The following MAN1A1 variants were observed in gnomAD, a reference collection of about 807,000 sequenced individuals.
MAN1A1 encodes mannosyl-oligosaccharide 1,2-alpha-mannosidase IA.
In MAN1A1, 29 loss-of-function variants were observed where a neutral mutation model predicts 70.8. The ratio of observed to expected loss-of-function variants is 0.41; its 90% confidence interval spans 0.31 to 0.56. The LOEUF is 0.56. Ranked by LOEUF, MAN1A1 falls within the 20% of genes least tolerant of loss-of-function variation. The pLI is 0.29. For missense variants in MAN1A1, 747 were observed against 841.3 expected (o/e 0.89, Z 1.39); for synonymous variants, 349 against 330.1 (o/e 1.06, Z -0.62).
intron 5 of MAN1A1, among the ~76,000 whole-genome samples, chr6:119,289,444 G>C (rs1280294258): frequency 6.9e-6 from 1 of 144,832 alleles, no homozygotes; most frequent in Non-Finnish European, 1.5e-5. Context: ...AAAAATATAG[G>C]GTTTTAGGGT....
At chr6:119,241,360 C>T (rs1297591125) in intron 6 of MAN1A1, among the ~76,000 whole-genome samples, 5 of 152,202 alleles carry the variant, frequency 3.3e-5, no homozygotes, top group East Asian at 1.9e-4. Flanking sequence ...CCTCACTGAA[C>T]GGCTCTGAGA....
At chr6:119,257,947 A>ATATAGTG (rs1775505979) in intron 5 of MAN1A1, among the ~76,000 whole-genome samples, 5 of 152,212 alleles carry the variant, frequency 3.3e-5, no homozygotes, top group Non-Finnish European at 7.4e-5. Flanking sequence ...ACATTTAGAA[A>ATATAGTG]AATATGCAGT....
chr6:119,332,960 G>A (rs1037160350), intron 2 of MAN1A1, among the ~76,000 whole-genome samples: 1 of 152,040 alleles, frequency 6.6e-6, no homozygotes, highest in African/African-American at 2.4e-5. Flanking sequence ...GTGTGCCCCC[G>A]GGGTTTGTGA....
At chr6:119,201,741 G>A (rs2114946316) in intron 7 of MAN1A1, among the ~76,000 whole-genome samples, 1 of 152,270 alleles carries the variant, frequency 6.6e-6, no homozygotes, top group African/African-American at 2.4e-5. Context: ...AATGTAGTTG[G>A]CACAGCCTAC....
chr6:119,279,712 T>C (rs1213551015), intron 5 of MAN1A1, among the ~76,000 whole-genome samples: 1 of 152,232 alleles, frequency 6.6e-6, no homozygotes, highest in Admixed American at 6.5e-5. Flanking sequence ...CTTGTATTCC[T>C]ACCTTCTCCT....
At chr6:119,308,256 T>C (rs1204152495) in intron 2 of MAN1A1, among the ~76,000 whole-genome samples, 3 of 152,172 alleles carry the variant, frequency 2.0e-5, no homozygotes, top group Non-Finnish European at 1.5e-5. Context: ...CCAAAGCCCA[T>C]GGCATTAACC....
chr6:119,177,683 G>A lies in MAN1A1; in HGVS notation c.*2136C>T, dbSNP rs578146702. 1.4e-3 allele frequency: 216 copies of A among 151,758 alleles called. 1 individual carries two copies. The highest frequency in any genetic ancestry group is 5.1e-3 in the African/African-American group (212 of 41,418). The allele number at this position is 151,758 out of a possible 1,614,324, so 9.4% of individuals were successfully genotyped here. ...ACATTTTTGGTGTTTTGGGACTTTT[G>A]TTAAAAAAAAATCCAAGTTCTAGAA... is the stretch of plus-strand genomic sequence containing the variant. On this transcript the variant is annotated 3_prime_UTR_variant, in exon 13 of 13. Transcript: ENST00000368468.
chr6:119,308,603 T>C (rs1471764718), intron 2 of MAN1A1, among the ~76,000 whole-genome samples: 1 of 152,166 alleles, frequency 6.6e-6, no homozygotes, highest in Admixed American at 6.5e-5. Context: ...GCTTGACAGA[T>C]GGCAGGTAAT....
At chr6:119,248,229 A>C (rs766802335) in intron 6 of MAN1A1, 31 bp downstream of exon 6, 1 of 1,409,354 alleles carries the variant, frequency 7.1e-7, no homozygotes, top group Non-Finnish European at 1.0e-6. Context: ...ATTTCACCTT[A>C]AAACATGTTG....
Position 119,348,799 on chromosome 6 carries a change from C to A in MAN1A1, c.267G>T (p.Gly89=), listed in dbSNP as rs1773816031. The change falls in exon 2 of 13, where the codon GGG becomes GGT. Residue 89 remains glycine, a synonymous_variant. Coordinates refer to ENST00000368468, the MANE Select transcript of MAN1A1 (RefSeq NM_005907.4). The stretch of plus-strand genomic sequence containing the variant: ...CCGCGTCCTCGGCGCGCGCCCCGGG[C>A]CCGGGCTTGTGGTCGGCGGCCGGCT... ...ALQPAADHKP[G]PGARAEDAAE... is the part of the protein sequence containing the mutation. 5 of 1,438,850 alleles carry A rather than the reference C, an allele frequency of 3.5e-6. No homozygotes were observed. Among genetic ancestry groups the A allele is most frequent in the Non-Finnish European group, 4.6e-6 (5 of 1,091,140 alleles). The allele number at this position is 1,438,850 out of a possible 1,614,324, so 89.1% of individuals were successfully genotyped here.
intron 6 of MAN1A1, among the ~76,000 whole-genome samples, chr6:119,218,274 T>C (rs1774262665): frequency 1.3e-5 from 2 of 152,164 alleles, no homozygotes; most frequent in Non-Finnish European, 1.5e-5. Context: ...CTGTACCCTA[T>C]TTAGAAAGCT....
At chr6:119,209,090 CAAA>C (rs34328766) in intron 6 of MAN1A1, among the ~76,000 whole-genome samples, 4 of 89,086 alleles carry the variant, frequency 4.5e-5, no homozygotes, top group Admixed American at 2.6e-4. Context: ...GACCCCGTCT[CAAA>C]AAAAAAAAAA....
At chr6:119,211,985 T>C (rs964798559) in intron 6 of MAN1A1, among the ~76,000 whole-genome samples, 16 of 151,664 alleles carry the variant, frequency 1.1e-4, no homozygotes, top group African/African-American at 3.9e-4. Flanking sequence ...GGGATACAGG[T>C]GCCCACCACC....
intron 6 of MAN1A1, among the ~76,000 whole-genome samples, chr6:119,206,031 A>G (rs1032628843): frequency 2.0e-5 from 3 of 152,200 alleles, no homozygotes; most frequent in African/African-American, 7.2e-5. Context: ...GTGGGGATGG[A>G]TCACAGAAGA....
chr6:119,200,229 A>T (rs1260139506), intron 8 of MAN1A1, among the ~76,000 whole-genome samples: 1 of 152,176 alleles, frequency 6.6e-6, no homozygotes, highest in Non-Finnish European at 1.5e-5. Flanking sequence ...TTGTTATTAT[A>T]TATCATTATA....
At chr6:119,236,450 G>A (rs1774846516) in intron 6 of MAN1A1, among the ~76,000 whole-genome samples, 1 of 152,178 alleles carries the variant, frequency 6.6e-6, no homozygotes, top group African/African-American at 2.4e-5. Context: ...GCTCACGCCT[G>A]TAATCCCAGC....
chr6:119,191,248 A>G (rs1773434954), intron 9 of MAN1A1, among the ~76,000 whole-genome samples: 1 of 152,192 alleles, frequency 6.6e-6, no homozygotes, highest in Admixed American at 6.5e-5. Context: ...AAATTGCAAT[A>G]AAGTCCTTCA....
At chr6:119,333,960 C>A (rs1288058588) in intron 2 of MAN1A1, among the ~76,000 whole-genome samples, 8 of 152,130 alleles carry the variant, frequency 5.3e-5, no homozygotes, top group African/African-American at 1.9e-4. Context: ...TCTAATAGGA[C>A]CGTAGTTAAA....
intron 6 of MAN1A1, among the ~76,000 whole-genome samples, chr6:119,242,129 A>C (rs1394338297): frequency 7.1e-6 from 1 of 141,460 alleles, no homozygotes; most frequent in African/African-American, 2.6e-5. Context: ...ACAGACAGAC[A>C]GACAGACACA....
Sources: gnomAD v4.1 joint callset for allele counts (sites outside exome capture counted in the v4.1 genomes callset) on GRCh38, gnomAD v4.1.1 for gene constraint, MANE v1.5 for transcripts, NCBI Gene and HGNC (gene_info 2026-07-23, HGNC 2026-07-21) for gene names.